MCF2L2: variants seen among roughly 807,000 people sequenced by gnomAD.
MCF2L2 encodes MCF.2 cell line derived transforming sequence-like 2.
A neutral mutation model predicts 150.2 loss-of-function variants in MCF2L2; 102 were observed. The ratio of observed to expected loss-of-function variants is 0.68; its 90% CI spans 0.58 to 0.80. The LOEUF (loss-of-function observed/expected upper bound fraction) is 0.80. MCF2L2 is among the 30% of genes least tolerant of loss of function. The pLI is 0.00. For missense variants in MCF2L2, 1,256 were observed against 1,372.8 expected (o/e 0.91, Z 1.34); for synonymous variants, 465 against 491.3 (o/e 0.95, Z 0.71).
Position 183,228,223 on chromosome 3 carries a change from T to A in MCF2L2, c.2115+74A>T. 3.6e-6 allele frequency: 4 copies of A among 1,111,160 alleles called. 1 individual carries two copies. In the African/African-American group the frequency reaches 6.1e-5, roughly 17 times the overall value. 68.8% of individuals were successfully genotyped at this position (1,111,160 alleles called of 1,614,324 possible). ...TGTTTTTAGACCATTGATGTTTCCA[T>A]TTGTCCTTGCCACTTAACGCAGAAA... is the stretch of plus-strand genomic sequence containing the variant. On this transcript the variant is annotated intron_variant, in intron 18 of 29. Transcript: ENST00000328913.
At chr3:183,389,593 G>A (rs1367450931) in intron 2 of MCF2L2, 103 bp downstream of exon 2, 4 of 960,708 alleles carry the variant, frequency 4.2e-6, no homozygotes, top group Non-Finnish European at 6.6e-6. Context: ...CCTAAGGGGT[G>A]AGTGAGATTT....
intron 5 of MCF2L2, among the ~76,000 whole-genome samples, chr3:183,334,071 A>C (rs1431744994): frequency 2.0e-5 from 3 of 152,168 alleles, no homozygotes; most frequent in African/African-American, 7.2e-5. Context: ...ACGATAATTG[A>C]GAATGGCAAT....
intron 2 of MCF2L2, among the ~76,000 whole-genome samples, chr3:183,389,009 T>C (rs987344724): frequency 3.3e-5 from 5 of 152,236 alleles, no homozygotes; most frequent in Admixed American, 1.3e-4. Context: ...CCCTCCATGT[T>C]ATATACTAAG....
At chr3:183,341,296 C>A (rs1245202206) in intron 4 of MCF2L2, among the ~76,000 whole-genome samples, 2 of 152,218 alleles carry the variant, frequency 1.3e-5, no homozygotes, top group African/African-American at 4.8e-5. Context: ...AACTGCCCCT[C>A]TTCAGTGACC....
rs1401872784 is a variant in MCF2L2, at chr3:183,179,395, G to T, written c.3330C>A (p.Ser1110=). The change falls in exon 30 of 30, where the codon TCC becomes TCA. Residue 1110 remains serine (S), a synonymous_variant. Coordinates refer to ENST00000328913, the MANE Select transcript of MCF2L2 (RefSeq NM_015078.4). This position sits in a 1 kb window ranked among gnomAD's most constrained non-coding sequence, Gnocchi z 4.2. ...CGCAGGGAGGTCAGCTCTCCTGGGCGGAGGTCCTCGGGCGCAGCGCCCTCG... is the reference window on the plus strand; with the variant it reads ...CGCAGGGAGGTCAGCTCTCCTGGGCTGAGGTCCTCGGGCGCAGCGCCCTCG... ...FQARALRPRT[S]AQES 2 of 1,550,372 alleles carry T rather than the reference G, an allele frequency of 1.3e-6. No individual in the cohort carries two copies. The highest frequency in any genetic ancestry group is 8.7e-7 in the Non-Finnish European group (1 of 1,147,538).
chr3:183,337,172 G>A (rs941557506), intron 5 of MCF2L2, among the ~76,000 whole-genome samples: 1 of 151,862 alleles, frequency 6.6e-6, no homozygotes, highest in Admixed American at 6.6e-5. Context: ...ATACTTTTCC[G>A]CTGACCAGCT....
Position 183,180,140 on chromosome 3 carries a change from A to G in MCF2L2, c.3036T>C (p.Phe1012=), listed in dbSNP as rs776142064. The G allele has an allele frequency of 2.5e-6, 4 of 1,613,592 alleles. No homozygotes were observed. In the South Asian group the frequency reaches 3.3e-5, roughly 13 times the overall value. The part of the protein sequence containing the change: ...GGIKGCSSRE[F]SSMDTFEDCE... Reference sequence around the variant, plus strand: ...AGTCTTCAAAGGTGTCCATGGAGCTAAACTCCCTGCTGGAGCAGCCTTAGG... The same window carrying G: ...AGTCTTCAAAGGTGTCCATGGAGCTGAACTCCCTGCTGGAGCAGCCTTAGG... The change falls in exon 28 of 30, where the codon TTT becomes TTC. Residue 1012 remains phenylalanine (F), a synonymous_variant. Transcript: ENST00000328913.
chr3:183,240,170 A>T (rs780163937), intron 15 of MCF2L2, among the ~76,000 whole-genome samples: 11 of 152,164 alleles, frequency 7.2e-5, no homozygotes, highest in Admixed American at 1.3e-4. Flanking sequence ...CACTCATAGA[A>T]TCTCATCCTT....
rs1253104177 is a variant in MCF2L2 at position 183,277,061 on chromosome 3, C to T, written c.1777-104G>A. 2.4e-5 allele frequency: 17 copies of T among 711,202 alleles called. 1 individual carries two copies. Among genetic ancestry groups the T allele is most frequent in the South Asian group, 1.9e-5 (1 of 53,406 alleles). The allele number at this position is 711,202 out of a possible 1,614,324, so 44.1% of individuals were successfully genotyped here. A position where few individuals can be genotyped will look rare whatever the true frequency, so the allele number is the denominator to read the frequency against. The stretch of plus-strand genomic sequence containing the variant: ...TGTTTGATTTTGGTTTTGAGTCTCT[C>T]GATAAGCAAAATATCCAGTTTCTCA... On this transcript the variant is annotated intron_variant, in intron 14 of 29. Transcript: ENST00000328913.
intron 8 of MCF2L2, 120 bp from the exon 9 acceptor site, chr3:183,311,149 T>C (rs1459939293): frequency 6.4e-6 from 4 of 623,798 alleles, no homozygotes. Context: ...GACCATCTCA[T>C]TATTATGAAA....
At chr3:183,269,067 GC>G (rs2108441972) in intron 15 of MCF2L2, among the ~76,000 whole-genome samples, 1 of 152,120 alleles carries the variant, frequency 6.6e-6, no homozygotes, top group South Asian at 2.1e-4. Context: ...TCTGGGGCAA[GC>G]CTTAATGGAT....
chr3:183,368,301 A>G (rs1712659036), intron 3 of MCF2L2, among the ~76,000 whole-genome samples: 1 of 152,192 alleles, frequency 6.6e-6, no homozygotes, highest in Non-Finnish European at 1.5e-5. Context: ...GAGAACCACT[A>G]ATCTAGACCA....
intron 2 of MCF2L2, among the ~76,000 whole-genome samples, 166 bp downstream of exon 2, chr3:183,389,530 T>C (rs928784975): frequency 6.6e-6 from 1 of 152,194 alleles, no homozygotes; most frequent in Non-Finnish European, 1.5e-5. Context: ...ATGTATGAGA[T>C]CCCACCCTCT....
chr3:183,192,842 A>C (rs765333990), intron 27 of MCF2L2, 157 bp downstream of exon 27: 2 of 569,488 alleles, frequency 3.5e-6, no homozygotes, highest in Non-Finnish European at 6.3e-6. Flanking sequence ...AATAGCAGGA[A>C]ATTGATTTTA....
At chr3:183,323,069 C>T (rs377517365) in intron 6 of MCF2L2, among the ~76,000 whole-genome samples, 166 bp downstream of exon 6, 17 of 152,298 alleles carry the variant, frequency 1.1e-4, no homozygotes, top group African/African-American at 3.9e-4. Context: ...TCCCAGCCTT[C>T]GCCCTTCCAC....
chr3:183,310,178 T>C (rs552488031), intron 9 of MCF2L2, among the ~76,000 whole-genome samples: 3 of 147,928 alleles, frequency 2.0e-5, no homozygotes, highest in Admixed American at 2.0e-4. Context: ...CTGGGCAACA[T>C]AGGGAGACCT....
In MCF2L2 at chr3:183,266,624, CT is replaced by C. The variant is rs956476499; in HGVS notation, c.1862+10247del. Among the ~76,000 whole-genome samples the C allele has an allele frequency of 3.3e-5, 5 of 152,242 alleles. No homozygotes were observed. In the South Asian group the frequency reaches 6.2e-4, roughly 19 times the overall value. ...AGAGCAACTGAGAGAAAGTGGGCCC[CT>C]GAATGAAAGTGATTTCGCAAATTTT... On this transcript the variant is annotated intron_variant, in intron 15 of 29. Coordinates refer to ENST00000328913, the MANE Select transcript of MCF2L2 (RefSeq NM_015078.4).
intron 2 of MCF2L2, among the ~76,000 whole-genome samples, chr3:183,384,657 A>G (rs1426488256): frequency 6.6e-6 from 1 of 151,320 alleles, no homozygotes; most frequent in Non-Finnish European, 1.5e-5. Context: ...ATCCTTAAAA[A>G]CTCTGTTCCC....
chr3:183,291,972 C>T (rs1032892150), intron 13 of MCF2L2, among the ~76,000 whole-genome samples: 4 of 152,110 alleles, frequency 2.6e-5, no homozygotes, highest in Non-Finnish European at 4.4e-5. Flanking sequence ...TGAGGACAGA[C>T]GAAAGGTCAA....
Sources: allele counts gnomAD v4.1 joint callset (sites outside exome capture counted in the v4.1 genomes callset), GRCh38; gene constraint gnomAD v4.1.1; non-coding constraint Gnocchi (gnomAD v3.1); transcripts MANE v1.5; gene names NCBI Gene and HGNC (gene_info 2026-07-23, HGNC 2026-07-21).